The following SPIDR variants were observed in gnomAD, a reference collection of about 807,000 sequenced individuals.
SPIDR encodes DNA repair-scaffolding protein.
SPIDR carries 93 observed loss-of-function variants against 104.6 expected under a neutral mutation model. The ratio of observed to expected loss-of-function variants is 0.89; its 90% CI spans 0.75 to 1.06. The LOEUF is 1.06. Ranked by LOEUF, SPIDR falls within the 50% of genes least tolerant of loss-of-function variation. The pLI, the probability that SPIDR is intolerant of heterozygous loss-of-function variation, is 0.00. For missense variants in SPIDR, 1,154 were observed against 1,111.2 expected (o/e 1.04, Z -0.55); for synonymous variants, 431 against 416.9 (o/e 1.03, Z -0.41).
chr8:47,447,672 G>A (rs1554702948), intron 8 of SPIDR, among the ~76,000 whole-genome samples: 1 of 152,174 alleles, frequency 6.6e-6, no homozygotes, highest in Non-Finnish European at 1.5e-5. Context: ...TTCCAGTAAT[G>A]CCATCAAACA....
intron 11 of SPIDR, among the ~76,000 whole-genome samples, chr8:47,688,118 T>TTTTTA (rs1007172116): frequency 6.6e-6 from 1 of 152,056 alleles, no homozygotes; most frequent in Non-Finnish European, 1.5e-5. Flanking sequence ...TGTGTTTTGC[T>TTTTTA]TTTTATTTTA....
At chr8:47,490,138 A>T (rs1554737775) in intron 8 of SPIDR, among the ~76,000 whole-genome samples, 3 of 152,224 alleles carry the variant, frequency 2.0e-5, no homozygotes, top group African/African-American at 7.2e-5. Flanking sequence ...TCTACAAAGA[A>T]CTCAAACAAA....
At chr8:47,714,587 C>A (rs1157494394) in intron 16 of SPIDR, among the ~76,000 whole-genome samples, 1 of 152,218 alleles carries the variant, frequency 6.6e-6, no homozygotes, top group Non-Finnish European at 1.5e-5. Flanking sequence ...TAACAGCCCA[C>A]CCTCTGTCCC....
intron 8 of SPIDR, among the ~76,000 whole-genome samples, chr8:47,593,594 T>A (rs549946590): frequency 6.6e-6 from 1 of 152,204 alleles, no homozygotes; most frequent in Non-Finnish European, 1.5e-5. Flanking sequence ...ATTTGGAGTA[T>A]TATGTTTTGA....
At chr8:47,627,796 TGGAAAG>T (rs1444790042) in intron 10 of SPIDR, among the ~76,000 whole-genome samples, 17 of 152,156 alleles carry the variant, frequency 1.1e-4, no homozygotes, top group Admixed American at 2.0e-4. Flanking sequence ...TGAGAGCATT[TGGAAAG>T]GGCTGTCTTT....
chr8:47,709,360 G>A (rs1297649454), intron 14 of SPIDR, among the ~76,000 whole-genome samples: 6 of 152,182 alleles, frequency 3.9e-5, no homozygotes, highest in Non-Finnish European at 5.9e-5. Context: ...GGCTGGTCTC[G>A]AACTCCTGAC....
intron 10 of SPIDR, among the ~76,000 whole-genome samples, chr8:47,667,391 G>C (rs2075102522): frequency 7.2e-6 from 1 of 138,970 alleles, no homozygotes; most frequent in Non-Finnish European, 1.5e-5. Context: ...AGAGGCCAAA[G>C]TTTGAGACCA....
At position 47,480,628 on chromosome 8, in the gene SPIDR, G is replaced by C. The variant is rs188673362; in HGVS notation, c.1097+40086G>C. Among the ~76,000 whole-genome samples the C allele has an allele frequency of 3.3e-3, 501 of 152,316 alleles. 3 individuals carry two copies. Among genetic ancestry groups the C allele is most frequent in the Non-Finnish European group, 4.7e-3 (318 of 68,022 alleles). ...GAAAGTGTACAATCTGGGATCAAGT[G>C]TTCTCGCTGCTCTCAGGGATCGGCG... On this transcript the variant is annotated intron_variant, in intron 8 of 19. Transcript: ENST00000297423.
intron 5 of SPIDR, among the ~76,000 whole-genome samples, chr8:47,305,155 A>C (rs973482377): frequency 6.6e-6 from 1 of 152,272 alleles, no homozygotes; most frequent in Non-Finnish European, 1.5e-5. Flanking sequence ...AGAGGGCAGC[A>C]GAGACATAGC....
rs559554531 is a variant in SPIDR at position 47,666,608 on chromosome 8, T to TA, written c.1545-7191dup. Among the ~76,000 whole-genome samples the TA allele has an allele frequency of 3.7e-3, 562 of 152,320 alleles. 9 individuals carry two copies. Among genetic ancestry groups the TA allele is most frequent in the African/African-American group, 0.013 (532 of 41,564 alleles). On this transcript the variant is annotated intron_variant, in intron 10 of 19. Transcript: ENST00000297423. The stretch of plus-strand genomic sequence containing the variant: ...TCTTCTATGTGCTAAATAGGGATAA[T>TA]AATAGCCTAGCTCCTAAGGGCCTTT...
At chr8:47,296,782 A>G (rs2040921587) in intron 5 of SPIDR, among the ~76,000 whole-genome samples, 1 of 152,210 alleles carries the variant, frequency 6.6e-6, no homozygotes, top group African/African-American at 2.4e-5. Context: ...GTGAAGAATG[A>G]CATTGGAATT....
chr8:47,398,270 G>A (rs564009893), intron 6 of SPIDR, among the ~76,000 whole-genome samples: 2 of 152,304 alleles, frequency 1.3e-5, no homozygotes, highest in East Asian at 3.9e-4. Flanking sequence ...GCCCTGCTGA[G>A]GGCCGACCAC....
intron 10 of SPIDR, among the ~76,000 whole-genome samples, chr8:47,624,119 C>G (rs568694719): frequency 4.6e-5 from 7 of 152,298 alleles, no homozygotes; most frequent in African/African-American, 1.7e-4. Context: ...AACTGAACAA[C>G]CTGCTCCTGA....
chr8:47,346,943 C>G (rs1174190156), intron 5 of SPIDR, among the ~76,000 whole-genome samples: 1 of 152,004 alleles, frequency 6.6e-6, no homozygotes, highest in Admixed American at 6.6e-5. Context: ...TTTTTTGTGT[C>G]TCTGTCTCCT....
chr8:47,627,040 A>G (rs1356675299), intron 10 of SPIDR, among the ~76,000 whole-genome samples: 2 of 152,218 alleles, frequency 1.3e-5, no homozygotes, highest in Non-Finnish European at 2.9e-5. Flanking sequence ...CATATACACC[A>G]TGGAATACTA....
intron 10 of SPIDR, among the ~76,000 whole-genome samples, chr8:47,672,215 C>T (rs1032035494): frequency 1.5e-4 from 23 of 152,246 alleles, no homozygotes; most frequent in African/African-American, 5.1e-4. Flanking sequence ...CCCACCTTGG[C>T]CTACCAAAGT....
At chr8:47,463,284 C>T (rs1337012312) in intron 8 of SPIDR, among the ~76,000 whole-genome samples, 2 of 151,568 alleles carry the variant, frequency 1.3e-5, no homozygotes, top group Middle Eastern at 3.2e-3. Context: ...TGCCATGAAC[C>T]TGGGAGGTGG....
chr8:47,269,165 CTTTTTTTTTTTTTT>C (rs1160351168), intron 1 of SPIDR, among the ~76,000 whole-genome samples: 1 of 111,810 alleles, frequency 8.9e-6, no homozygotes, highest in Non-Finnish European at 1.8e-5. Flanking sequence ...AGACCCTCTC[CTTTTTTTTTTTTTT>C]TTTTTTTTTT....
chr8:47,677,167 C>G (rs2076551338), intron 11 of SPIDR, among the ~76,000 whole-genome samples: 4 of 152,178 alleles, frequency 2.6e-5, no homozygotes, highest in Admixed American at 1.3e-4. Context: ...ACCCCCCAAC[C>G]TGCCCCCGAC....
Sources: gnomAD v4.1 joint callset for allele counts (sites outside exome capture counted in the v4.1 genomes callset) on GRCh38, gnomAD v4.1.1 for gene constraint, MANE v1.5 for transcripts, NCBI Gene and HGNC (gene_info 2026-07-23, HGNC 2026-07-21) for gene names.